Variants in NEK1 observed in about 807,000 individuals in gnomAD.
NEK1 encodes NIMA related kinase 1.
A neutral mutation model predicts 182.1 loss-of-function variants in NEK1; 137 were observed. The ratio of observed to expected loss-of-function variants is 0.75; its 90% CI spans 0.65 to 0.87. The LOEUF (loss-of-function observed/expected upper bound fraction) is 0.87, where lower values mean the gene tolerates loss of function less well. Among genes scored for constraint, NEK1 ranks in the 40% least tolerant of loss-of-function variants. The pLI is 0.00. For synonymous variants in NEK1, 513 were observed against 492.2 expected (o/e 1.04, Z -0.56); for missense variants, 1,391 against 1,494.4 (o/e 0.93, Z 1.14).
At chr4:169,479,208 C>T (rs1212131611) in intron 24 of NEK1, among the ~76,000 whole-genome samples, 195 bp downstream of exon 24, 2 of 151,892 alleles carry the variant, frequency 1.3e-5, no homozygotes, top group Non-Finnish European at 2.9e-5. Context: ...TTTTCATCTA[C>T]CACGTGGTCC....
At chr4:169,508,735 T>C (rs779043377) in intron 20 of NEK1, 34 bp downstream of exon 20, 1 of 1,458,510 alleles carries the variant, frequency 6.9e-7, no homozygotes, top group South Asian at 1.3e-5. Context: ...AAAATGGCTA[T>C]GTGATGGAGG....
chr4:169,463,453 G>A (rs1200438764), intron 26 of NEK1, 58 bp from the exon 27 acceptor site: 1 of 1,283,546 alleles, frequency 7.8e-7, no homozygotes, highest in Non-Finnish European at 1.1e-6. Flanking sequence ...ATACTGCATG[G>A]TAAGGCAGAT....
chr4:169,456,981 C>A (rs548514468), intron 27 of NEK1, among the ~76,000 whole-genome samples: 37 of 152,156 alleles, frequency 2.4e-4, no homozygotes, highest in African/African-American at 8.4e-4. Context: ...CATGTTCTCA[C>A]TTATTTGTGG....
chr4:169,482,971 C>T (rs1029342848), intron 23 of NEK1, among the ~76,000 whole-genome samples: 1 of 152,130 alleles, frequency 6.6e-6, no homozygotes, highest in Non-Finnish European at 1.5e-5. Flanking sequence ...GGAACTTTTC[C>T]TTTGCATTCA....
At chr4:169,545,078 G>A (rs1760169558) in intron 18 of NEK1, among the ~76,000 whole-genome samples, 2 of 131,662 alleles carry the variant, frequency 1.5e-5, no homozygotes, top group Non-Finnish European at 1.6e-5. Context: ...TATACTTTAA[G>A]TTTTAGGGTA....
At chr4:169,549,144 C>T (rs533430141) in intron 18 of NEK1, among the ~76,000 whole-genome samples, 9 of 152,316 alleles carry the variant, frequency 5.9e-5, no homozygotes, top group African/African-American at 1.4e-4. Flanking sequence ...TGAAGACCGT[C>T]GGAAAAGCAC....
At chr4:169,539,391 C>T (rs571903104) in intron 18 of NEK1, among the ~76,000 whole-genome samples, 1 of 152,128 alleles carries the variant, frequency 6.6e-6, no homozygotes, top group East Asian at 1.9e-4. Flanking sequence ...CTAAGGAAGG[C>T]AGATAAACCT....
chr4:169,522,023 T>C (rs1276898875), intron 19 of NEK1, among the ~76,000 whole-genome samples: 1 of 152,202 alleles, frequency 6.6e-6, no homozygotes, highest in African/African-American at 2.4e-5. Flanking sequence ...TGTTAAATTT[T>C]TGTATTGTCC....
chr4:169,426,384 C>T (rs1158164230), intron 29 of NEK1, 150 bp from the exon 30 acceptor site: 5 of 637,148 alleles, frequency 7.8e-6, no homozygotes, highest in Non-Finnish European at 1.4e-5. Context: ...TATACTTTCT[C>T]ACATAAGTAC....
intron 24 of NEK1, among the ~76,000 whole-genome samples, chr4:169,479,093 A>G (rs1057290888): frequency 6.6e-6 from 1 of 152,116 alleles, no homozygotes; most frequent in Non-Finnish European, 1.5e-5. Context: ...GTTAATCATG[A>G]GGGTTGGGTA....
intron 19 of NEK1, among the ~76,000 whole-genome samples, chr4:169,512,338 T>C (rs1184215487): frequency 6.6e-6 from 1 of 152,228 alleles, no homozygotes; most frequent in East Asian, 1.9e-4. Context: ...GATAACATCA[T>C]TGTGGTTTAA....
intron 27 of NEK1, among the ~76,000 whole-genome samples, chr4:169,457,940 T>G (rs989950304): frequency 1.3e-5 from 2 of 151,854 alleles, no homozygotes; most frequent in African/African-American, 4.8e-5. Flanking sequence ...TATCTCAAAC[T>G]TATGGACAGG....
In NEK1 at chr4:169,507,116, C is replaced by T. The variant is rs776789588; in HGVS notation, c.1928G>A (p.Arg643His). 57 of 1,597,392 alleles carry T rather than the reference C, an allele frequency of 3.6e-5. No individual in the cohort carries two copies. The highest frequency in any genetic ancestry group is 2.5e-4 in the East Asian group (11 of 44,390). ...TAGTTGTTCTTTTAGTACAGCAGCA[C>T]GTGCATTTGCATGGGCCTAAAAATA... ...IESLKAHANA[R>H]AAVLKEQLER... The change falls in exon 23 of 36, where the codon CGT (arginine) becomes CAT (histidine). Residue 643 changes from arginine to histidine, a missense_variant. By Grantham distance (29) the Arg-to-His change is conservative. Transcript: ENST00000507142.
At chr4:169,597,752 G>T (rs1450816428) in intron 5 of NEK1, among the ~76,000 whole-genome samples, 1 of 151,934 alleles carries the variant, frequency 6.6e-6, no homozygotes, top group Non-Finnish European at 1.5e-5. Flanking sequence ...GGCTAACACG[G>T]TGAAACCCCA....
intron 19 of NEK1, among the ~76,000 whole-genome samples, chr4:169,513,274 G>A (rs964699209): frequency 6.6e-6 from 1 of 151,912 alleles, no homozygotes; most frequent in Non-Finnish European, 1.5e-5. Context: ...CCAGCATTTT[G>A]TCATTTAATT....
Position 169,393,726 on chromosome 4 carries a change from A to G in NEK1, c.*784T>C, listed in dbSNP as rs1181976687. ...TGTCCTTGAAGCTTATGTATGGAGG[A>G]AGTTAAAAACCAAAAGAGCAACTTT... On this transcript the variant is annotated 3_prime_UTR_variant, in exon 36 of 36. Coordinates refer to ENST00000507142, the MANE Select transcript of NEK1 (RefSeq NM_001199397.3). 1 of 152,226 alleles carries G rather than the reference A, an allele frequency of 6.6e-6. No individual in the cohort carries two copies. Among genetic ancestry groups the G allele is most frequent in the African/African-American group, 2.4e-5 (1 of 41,460 alleles). 9.4% of individuals were successfully genotyped at this position (152,226 alleles called of 1,614,324 possible).
chr4:169,479,432 C>G lies in NEK1; in HGVS notation c.2110G>C (p.Val704Leu), dbSNP rs201175678. The stretch of plus-strand genomic sequence containing the variant: ...CCAACTTCTTTCAAAGCTGAAGTTA[C>G]AGAAATAACAGATCTCATCTGTTGC... ...SKQQMRSVIS[V>L]TSALKEVGVD... Residue 704 changes from valine (V) to leucine (L), a missense_variant, in exon 24 of 36, where the codon GTA (valine) becomes CTA (leucine). Val to Leu is a conservative substitution (Grantham distance 32). Coordinates refer to ENST00000507142, the MANE Select transcript of NEK1 (RefSeq NM_001199397.3). 1.2e-6 allele frequency: 2 copies of G among 1,611,158 alleles called. No individual in the cohort carries two copies. The highest frequency in any genetic ancestry group is 1.3e-5 in the African/African-American group (1 of 74,844).
At chr4:169,512,770 T>C (rs991166610) in intron 19 of NEK1, among the ~76,000 whole-genome samples, 3 of 152,134 alleles carry the variant, frequency 2.0e-5, no homozygotes, top group African/African-American at 4.8e-5. Context: ...GAGGTAATTA[T>C]TTTATATGGT....
intron 27 of NEK1, among the ~76,000 whole-genome samples, chr4:169,451,747 A>G (rs1741821878): frequency 6.6e-6 from 1 of 152,210 alleles, no homozygotes; most frequent in Non-Finnish European, 1.5e-5. Flanking sequence ...AAGAGCAAAC[A>G]AATTCAAAAG....
Sources: gnomAD v4.1 joint callset for allele counts (sites outside exome capture counted in the v4.1 genomes callset) on GRCh38, gnomAD v4.1.1 for gene constraint, MANE v1.5 for transcripts, NCBI Gene and HGNC (gene_info 2026-07-23, HGNC 2026-07-21) for gene names.